The following NXN variants were observed in gnomAD, a reference collection of about 807,000 sequenced individuals.
The protein encoded by NXN is nucleoredoxin 1.
A neutral mutation model predicts 48.6 loss-of-function variants in NXN; 16 were observed. That is an observed-to-expected ratio of 0.33 (90% CI 0.22 to 0.50). The LOEUF (loss-of-function observed/expected upper bound fraction) is 0.50, where lower values mean the gene tolerates loss of function less well. Ranked by LOEUF, NXN falls within the 20% of genes least tolerant of loss-of-function variation. NXN has a pLI of 0.98. For missense variants in NXN, 492 were observed against 605.5 expected, an observed-to-expected ratio of 0.81 and a Z score of 1.97; for synonymous variants, 281 against 269.6, an observed-to-expected ratio of 1.04 and a Z score of -0.41.
chr17:928,831 G>A (rs1354503405), intron 1 of NXN, among the ~76,000 whole-genome samples: 1 of 151,796 alleles, frequency 6.6e-6, no homozygotes, highest in Non-Finnish European at 1.5e-5. Context: ...GTGAGACTCT[G>A]TCTCAAAAAA....
chr17:977,673 C>T (rs145811581), intron 1 of NXN, among the ~76,000 whole-genome samples: 142 of 152,294 alleles, frequency 9.3e-4, no homozygotes, highest in African/African-American at 3.2e-3. Flanking sequence ...CGGATAAGGA[C>T]ATTATTTTAA....
intron 1 of NXN, among the ~76,000 whole-genome samples, chr17:972,453 G>A (rs1470130093): frequency 2.6e-5 from 4 of 151,810 alleles, no homozygotes; most frequent in African/African-American, 7.3e-5. Context: ...CTCCAGCCTG[G>A]CAGAGCGAGA....
intron 1 of NXN, among the ~76,000 whole-genome samples, chr17:902,991 G>A (rs982820430): frequency 1.2e-4 from 18 of 151,058 alleles, no homozygotes; most frequent in African/African-American, 3.9e-4. Context: ...GGTTGGTCTC[G>A]AACTCCCGAA....
At chr17:824,638 A>G (rs1597632595) in intron 2 of NXN, among the ~76,000 whole-genome samples, 1 of 152,190 alleles carries the variant, frequency 6.6e-6, no homozygotes, top group East Asian at 1.9e-4. Flanking sequence ...TTCTGATTCT[A>G]TTGCTCTTGA....
intron 1 of NXN, among the ~76,000 whole-genome samples, chr17:834,674 C>T (rs1913692131): frequency 6.6e-6 from 1 of 151,690 alleles, no homozygotes; most frequent in Admixed American, 6.6e-5. Flanking sequence ...CGCCCACCAC[C>T]ACGCCCGACC....
chr17:843,403 A>G (rs533976462), intron 1 of NXN, among the ~76,000 whole-genome samples: 4 of 152,346 alleles, frequency 2.6e-5, no homozygotes, highest in African/African-American at 9.6e-5. Flanking sequence ...TTTCTGGCCG[A>G]CACCACAGAC....
chr17:863,409 A>C (rs2068061354), intron 1 of NXN, among the ~76,000 whole-genome samples: 1 of 152,088 alleles, frequency 6.6e-6, no homozygotes, highest in African/African-American at 2.4e-5. Flanking sequence ...CCTCATGATC[A>C]GCCCGCCTCA....
chr17:864,160 C>T lies in NXN; in HGVS notation c.361-38082G>A, dbSNP rs1462149216. 1.7e-5 allele frequency: 25 copies of T among 1,481,726 alleles called. No homozygotes were observed. In the Admixed American group the frequency reaches 3.7e-4, roughly 22 times the overall value. The allele number at this position is 1,481,726 out of a possible 1,614,324, so 91.8% of individuals were successfully genotyped here. On this transcript the variant is annotated intron_variant, in intron 1 of 7. Coordinates refer to ENST00000336868, the MANE Select transcript of NXN (RefSeq NM_022463.5). ...GGGCACGTTCACCGTTGCTCGGTTC[C>T]GGTGAAGGGACGCGTCTGCCGTTGC... is the stretch of plus-strand genomic sequence containing the variant.
At chr17:884,597 G>A (rs540890039) in intron 1 of NXN, among the ~76,000 whole-genome samples, 1 of 152,256 alleles carries the variant, frequency 6.6e-6, no homozygotes, top group African/African-American at 2.4e-5. Context: ...CCGTTGGGCT[G>A]GGGACAGGCT....
chr17:904,296 ACGCCG>A, intron 1 of NXN, among the ~76,000 whole-genome samples: 1 of 131,504 alleles, frequency 7.6e-6, no homozygotes, highest in African/African-American at 4.0e-5. Flanking sequence ...CGGACGTCGG[ACGCCG>A]TCCGGCTTCC....
At chr17:884,566 T>A (rs977630843) in intron 1 of NXN, among the ~76,000 whole-genome samples, 3 of 152,082 alleles carry the variant, frequency 2.0e-5, no homozygotes, top group Admixed American at 2.0e-4. Flanking sequence ...ACACAAAGAT[T>A]TGATGGCCAC....
At chr17:826,113 C>A (rs1231091466) in intron 1 of NXN, 35 bp from the exon 2 acceptor site, 2 of 1,393,160 alleles carry the variant, frequency 1.4e-6, no homozygotes, top group Admixed American at 1.7e-5. Context: ...GTGGTTAAGT[C>A]CAAACCAGAT....
intron 1 of NXN, among the ~76,000 whole-genome samples, chr17:888,890 G>A (rs1331436796): frequency 6.6e-6 from 1 of 151,312 alleles, no homozygotes; most frequent in East Asian, 1.9e-4. Flanking sequence ...AGGAGGTGGA[G>A]GTTGCTGTGA....
At chr17:827,104 C>G (rs1458962150) in intron 1 of NXN, among the ~76,000 whole-genome samples, 1 of 152,206 alleles carries the variant, frequency 6.6e-6, no homozygotes, top group Non-Finnish European at 1.5e-5. Flanking sequence ...CACCTGTGAT[C>G]CCAGCGCTTT....
intron 1 of NXN, among the ~76,000 whole-genome samples, chr17:866,398 C>T (rs59087974): frequency 0.012 from 1,841 of 152,228 alleles, 34 homozygotes; most frequent in African/African-American, 0.042. Context: ...GCCTGGGCAA[C>T]ATGGTGAAAC....
At position 888,822 on chromosome 17, in the gene NXN, G is replaced by A. The variant is rs372319318; in HGVS notation, c.361-62744C>T. ...ATACAAAAATTAGCTGGACATGGTG[G>A]TGGGCACCTGTAATCCCAGCTACCC... On this transcript the variant is annotated intron_variant, in intron 1 of 7. Coordinates refer to ENST00000336868, the MANE Select transcript of NXN (RefSeq NM_022463.5). 7.2e-5 allele frequency among the ~76,000 whole-genome samples: 11 copies of A among 152,054 alleles called. No homozygotes were observed. In the East Asian group the frequency reaches 9.7e-4, roughly 13 times the overall value.
chr17:862,602 G>A (rs1333056282), intron 1 of NXN, among the ~76,000 whole-genome samples: 1 of 152,228 alleles, frequency 6.6e-6, no homozygotes, highest in Admixed American at 6.5e-5. Context: ...AAGTTACTGG[G>A]AGGAGAACAT....
At chr17:807,449 G>A (rs1911624998) in intron 5 of NXN, among the ~76,000 whole-genome samples, 2 of 152,206 alleles carry the variant, frequency 1.3e-5, no homozygotes, top group Admixed American at 6.5e-5. Flanking sequence ...AGGCAAAGCT[G>A]CCCATTTCCC....
intron 1 of NXN, among the ~76,000 whole-genome samples, chr17:887,083 A>T (rs1443094366): frequency 2.1e-5 from 3 of 145,680 alleles, no homozygotes; most frequent in East Asian, 4.0e-4. Context: ...TAATTTTTGT[A>T]TTTTTTTTTT....
Sources: allele counts gnomAD v4.1 joint callset (sites outside exome capture counted in the v4.1 genomes callset), GRCh38; gene constraint gnomAD v4.1.1; transcripts MANE v1.5; gene names NCBI Gene and HGNC (gene_info 2026-07-23, HGNC 2026-07-21).